Variants in SLC35F3 observed in about 807,000 individuals in gnomAD.
SLC35F3 encodes putative thiamine transporter SLC35F3.
In SLC35F3, 25 loss-of-function variants were observed where a neutral mutation model predicts 49.9. The ratio of observed to expected loss-of-function variants is 0.50; its 90% CI spans 0.37 to 0.70. The LOEUF (loss-of-function observed/expected upper bound fraction) is 0.70, where lower values mean the gene tolerates loss of function less well. SLC35F3 is among the 30% of genes least tolerant of loss of function. The pLI, the probability that SLC35F3 is intolerant of heterozygous loss-of-function variation, is 0.00. For missense variants in SLC35F3, 525 were observed against 639.8 expected (o/e 0.82, Z 1.94); for synonymous variants, 275 against 265.4 (o/e 1.04, Z -0.35).
In SLC35F3 at chr1:234,229,473, A is replaced by G. The variant is rs986144419; in HGVS notation, c.284-1944A>G. On this transcript the variant is annotated intron_variant, in intron 2 of 7. Coordinates refer to ENST00000366618, the MANE Select transcript of SLC35F3 (RefSeq NM_173508.4). ...ACATGATTTGATGATTTTCTCCTTC[A>G]TTGTAAAAGCTATGCAGCATCACTG... Among the ~76,000 whole-genome samples, 12 of 152,296 alleles carry G rather than the reference A, an allele frequency of 7.9e-5. 1 individual carries two copies. Among genetic ancestry groups the G allele is most frequent in the Admixed American group, 4.6e-4 (7 of 15,298 alleles).
At chr1:234,048,716 C>A (rs1205160685) in intron 2 of SLC35F3, among the ~76,000 whole-genome samples, 2 of 151,546 alleles carry the variant, frequency 1.3e-5, no homozygotes, top group African/African-American at 4.9e-5. Context: ...GACCATTGCC[C>A]CAGTGGGTCT....
intron 2 of SLC35F3, among the ~76,000 whole-genome samples, chr1:233,930,431 G>T (rs1274589714): frequency 6.6e-6 from 1 of 152,208 alleles, no homozygotes; most frequent in Admixed American, 6.5e-5. Flanking sequence ...ATCTATAGAT[G>T]TTAGAAGGTG....
At chr1:234,223,303 TG>T (rs1667237341) in intron 2 of SLC35F3, among the ~76,000 whole-genome samples, 1 of 152,182 alleles carries the variant, frequency 6.6e-6, no homozygotes. Flanking sequence ...AAAAGTGAGC[TG>T]GATCACGACC....
chr1:234,072,219 C>T (rs1226855568), intron 2 of SLC35F3, among the ~76,000 whole-genome samples: 5 of 152,186 alleles, frequency 3.3e-5, no homozygotes, highest in Non-Finnish European at 5.9e-5. Flanking sequence ...AGTAGCTGTG[C>T]CCTGGGTTTA....
chr1:233,924,105 C>T (rs1662113730), intron 2 of SLC35F3, among the ~76,000 whole-genome samples: 1 of 152,096 alleles, frequency 6.6e-6, no homozygotes, highest in Non-Finnish European at 1.5e-5. Flanking sequence ...CTAAAATTAT[C>T]TTTTTTTGTT....
intron 3 of SLC35F3, among the ~76,000 whole-genome samples, chr1:234,307,862 T>C (rs1657237767): frequency 6.6e-6 from 1 of 152,116 alleles, no homozygotes; most frequent in South Asian, 2.1e-4. Flanking sequence ...CCAGCAATGA[T>C]CTTCACTCCC....
At chr1:233,921,639 G>A (rs1662060832) in intron 2 of SLC35F3, among the ~76,000 whole-genome samples, 1 of 152,060 alleles carries the variant, frequency 6.6e-6, no homozygotes, top group Non-Finnish European at 1.5e-5. Flanking sequence ...AAGTCACATA[G>A]TAGGCAGCTT....
At chr1:234,316,393 GC>G (rs1484796979) in intron 4 of SLC35F3, among the ~76,000 whole-genome samples, 2 of 152,204 alleles carry the variant, frequency 1.3e-5, no homozygotes, top group Non-Finnish European at 2.9e-5. Flanking sequence ...GTCAAGCCAA[GC>G]TTTGCTAAGT....
At chr1:234,073,198 C>T (rs1664743794) in intron 2 of SLC35F3, among the ~76,000 whole-genome samples, 1 of 152,158 alleles carries the variant, frequency 6.6e-6, no homozygotes, top group African/African-American at 2.4e-5. Context: ...GGCTGGAATG[C>T]AGTGACGTGA....
At chr1:234,009,655 C>A (rs1173754237) in intron 2 of SLC35F3, among the ~76,000 whole-genome samples, 4 of 152,098 alleles carry the variant, frequency 2.6e-5, no homozygotes, top group Admixed American at 2.6e-4. Flanking sequence ...CTTCACTTGT[C>A]AGAGTTCAGA....
At chr1:234,270,823 T>G (rs1668086667) in intron 3 of SLC35F3, among the ~76,000 whole-genome samples, 1 of 152,184 alleles carries the variant, frequency 6.6e-6, no homozygotes, top group Non-Finnish European at 1.5e-5. Flanking sequence ...GACGCAGGGC[T>G]TGTCAAGGTG....
intron 2 of SLC35F3, among the ~76,000 whole-genome samples, chr1:234,000,568 A>G (rs1437882643): frequency 6.6e-6 from 1 of 152,226 alleles, no homozygotes; most frequent in Non-Finnish European, 1.5e-5. Flanking sequence ...GCTGCGTACA[A>G]GCAGTGCTAC....
chr1:234,035,901 T>C (rs1278929110), intron 2 of SLC35F3, among the ~76,000 whole-genome samples: 1 of 152,230 alleles, frequency 6.6e-6, no homozygotes, highest in Non-Finnish European at 1.5e-5. Context: ...TTGTTTTTTC[T>C]GTTTGTTTCA....
chr1:234,317,288 A>G (rs1657515005), intron 5 of SLC35F3, among the ~76,000 whole-genome samples: 1 of 152,212 alleles, frequency 6.6e-6, no homozygotes, highest in African/African-American at 2.4e-5. Flanking sequence ...AGCACTTGCC[A>G]GCTTCAGGTC....
At chr1:234,224,133 C>G (rs1667250471) in intron 2 of SLC35F3, among the ~76,000 whole-genome samples, 2 of 152,320 alleles carry the variant, frequency 1.3e-5, no homozygotes, top group South Asian at 2.1e-4. Context: ...GGCGCAATCA[C>G]TGGTCATTGC....
At chr1:233,940,652 A>G (rs1662405712) in intron 2 of SLC35F3, among the ~76,000 whole-genome samples, 1 of 152,214 alleles carries the variant, frequency 6.6e-6, no homozygotes, top group Admixed American at 6.5e-5. Context: ...TAACTCTCAA[A>G]TAAGATATAT....
intron 2 of SLC35F3, among the ~76,000 whole-genome samples, chr1:233,991,173 A>G (rs4531348): frequency 0.33 from 50,294 of 152,042 alleles, 8,841 homozygotes; most frequent in East Asian, 0.49. Context: ...TCTTGCAGGT[A>G]GTACTCCAGA....
At chr1:234,093,303 C>T (rs1200228980) in intron 2 of SLC35F3, among the ~76,000 whole-genome samples, 1 of 152,204 alleles carries the variant, frequency 6.6e-6, no homozygotes, top group East Asian at 1.9e-4. Flanking sequence ...TCCCAGATAA[C>T]TTTTCTGACA....
Position 234,214,402 on chromosome 1 carries a change from AG to A in SLC35F3, c.284-17012del. ...AGCCGCTGGTGCTCCCCGGCGGCAG[AG>A]GGCCGCGTCGGCCACGGGCCCGGGA... On this transcript the variant is annotated intron_variant, in intron 2 of 7. Coordinates refer to ENST00000366618, the MANE Select transcript of SLC35F3 (RefSeq NM_173508.4). This position sits in a 1 kb window ranked among gnomAD's most constrained non-coding sequence, Gnocchi z 8.0. 1.5e-6 allele frequency: 2 copies of A among 1,378,054 alleles called. No homozygotes were observed. Among genetic ancestry groups the A allele is most frequent in the Non-Finnish European group, 1.9e-6 (2 of 1,063,714 alleles). 85.4% of individuals were successfully genotyped at this position (1,378,054 alleles called of 1,614,324 possible).
Sources: gnomAD v4.1 joint callset for allele counts (sites outside exome capture counted in the v4.1 genomes callset) on GRCh38, gnomAD v4.1.1 for gene constraint, Gnocchi (gnomAD v3.1) non-coding constraint, MANE v1.5 for transcripts, NCBI Gene and HGNC (gene_info 2026-07-23, HGNC 2026-07-21) for gene names.